The following PALM2AKAP2 variants were observed in gnomAD, a reference collection of about 807,000 sequenced individuals.
The protein encoded by PALM2AKAP2 is PALM2 and AKAP2 fusion, also known as PALM2-AKAP2 fusion protein.
PALM2AKAP2 carries 37 observed loss-of-function variants against 71.5 expected under a neutral mutation model. That is an observed-to-expected ratio of 0.52 (90% CI 0.40 to 0.68). PALM2AKAP2 has a LOEUF of 0.68. PALM2AKAP2 is among the 30% of genes least tolerant of loss of function. PALM2AKAP2 has a pLI of 0.00. For missense variants in PALM2AKAP2, 1,224 were observed against 1,191.8 expected (o/e 1.03, Z -0.40); for synonymous variants, 468 against 478.8 (o/e 0.98, Z 0.29).
chr9:109,791,870 A>G (rs1003899611), intron 1 of PALM2AKAP2, among the ~76,000 whole-genome samples: 2 of 152,206 alleles, frequency 1.3e-5, no homozygotes, highest in Non-Finnish European at 2.9e-5. Context: ...AATGCTCACA[A>G]CAGTTTAAAT....
intron 1 of PALM2AKAP2, among the ~76,000 whole-genome samples, chr9:109,858,890 A>G (rs1829239917): frequency 6.6e-6 from 1 of 152,220 alleles, no homozygotes; most frequent in South Asian, 2.1e-4. Context: ...AAGCAAAAGT[A>G]TAGCTCTATG....
upstream of PALM2AKAP2, among the ~76,000 whole-genome samples, chr9:110,044,350 T>C (rs1420720631): frequency 7.6e-6 from 1 of 130,848 alleles, no homozygotes; most frequent in Non-Finnish European, 1.6e-5. Flanking sequence ...CTTTCTTTTT[T>C]TTTTTTTTTT....
intron 1 of PALM2AKAP2, among the ~76,000 whole-genome samples, chr9:109,771,291 A>G (rs764552935): frequency 6.6e-6 from 1 of 152,190 alleles, no homozygotes; most frequent in African/African-American, 2.4e-5. Context: ...AACTCTGTGA[A>G]GTTAACAAGA....
chr9:109,881,636 C>T (rs894879240), intron 3 of PALM2AKAP2, among the ~76,000 whole-genome samples: 3 of 152,106 alleles, frequency 2.0e-5, no homozygotes, highest in Non-Finnish European at 2.9e-5. Context: ...GGGAGATAAG[C>T]GACCTGTCTG....
intron 1 of PALM2AKAP2, among the ~76,000 whole-genome samples, chr9:109,791,655 G>A (rs980642451): frequency 3.3e-5 from 5 of 152,174 alleles, no homozygotes; most frequent in African/African-American, 1.2e-4. Context: ...TATGTTAGGG[G>A]GGTGAGATCT....
intron 1 of PALM2AKAP2, among the ~76,000 whole-genome samples, chr9:109,716,500 ACTGCTGTTTAT>A (rs1192788608): frequency 6.6e-6 from 1 of 152,208 alleles, no homozygotes; most frequent in Non-Finnish European, 1.5e-5. Context: ...CTATACTTAT[ACTGCTGTTTAT>A]CTGAATTTCA....
At chr9:109,700,418 G>C (rs1828035944) in intron 1 of PALM2AKAP2, among the ~76,000 whole-genome samples, 1 of 152,178 alleles carries the variant, frequency 6.6e-6, no homozygotes, top group African/African-American at 2.4e-5. Flanking sequence ...GGCCTCCCCA[G>C]TCATGTGGAA....
chr9:109,983,649 G>C (rs755050913), intron 6 of PALM2AKAP2, among the ~76,000 whole-genome samples: 1 of 152,142 alleles, frequency 6.6e-6, no homozygotes, highest in Non-Finnish European at 1.5e-5. Flanking sequence ...TGGATCACTT[G>C]AGGCTAGGAG....
chr9:110,060,811 A>G (rs1385066907), intron 1 of PALM2AKAP2, among the ~76,000 whole-genome samples: 1 of 152,096 alleles, frequency 6.6e-6, no homozygotes, highest in Non-Finnish European at 1.5e-5. Context: ...CATGTTGGCC[A>G]GGATGGTCTC....
chr9:110,126,709 A>C (rs1835613794), intron 1 of PALM2AKAP2, among the ~76,000 whole-genome samples: 1 of 152,232 alleles, frequency 6.6e-6, no homozygotes, highest in Non-Finnish European at 1.5e-5. Context: ...CAGCTGCTGC[A>C]GAAAAGGCAA....
intron 3 of PALM2AKAP2, among the ~76,000 whole-genome samples, chr9:109,902,781 T>C (rs966117979): frequency 2.6e-5 from 4 of 152,202 alleles, no homozygotes; most frequent in African/African-American, 9.6e-5. Context: ...AATCCAAAGA[T>C]ACATATGACC....
At chr9:109,897,923 G>A (rs1004415125) in intron 3 of PALM2AKAP2, among the ~76,000 whole-genome samples, 1 of 152,256 alleles carries the variant, frequency 6.6e-6, no homozygotes, top group South Asian at 2.1e-4. Flanking sequence ...GTTGAACAAG[G>A]TGGAGAAGCC....
chr9:110,162,145 T>G lies in PALM2AKAP2; in HGVS notation c.2748+5648T>G, dbSNP rs192387932. 6 of 1,613,974 alleles carry G rather than the reference T, an allele frequency of 3.7e-6. No homozygotes were observed. In the East Asian group the frequency reaches 1.3e-4, roughly 36 times the overall value. ...GGTGACTTCCGAGGTACTTTTCAAT[T>G]TGTTTGTCTTGGTCTTACTGAATGC... is the stretch of plus-strand genomic sequence containing the variant. On this transcript the variant is annotated intron_variant, in intron 3 of 3. Transcript: ENST00000374525.
chr9:109,801,286 C>T (rs1313229145), intron 1 of PALM2AKAP2, among the ~76,000 whole-genome samples: 2 of 152,078 alleles, frequency 1.3e-5, no homozygotes, highest in East Asian at 1.9e-4. Flanking sequence ...GAAGGGAGAA[C>T]CTAGAACCCA....
At chr9:109,880,409 G>T in intron 2 of PALM2AKAP2, 142 bp from the exon 3 acceptor site, 1 of 1,225,986 alleles carries the variant, frequency 8.2e-7, no homozygotes. Flanking sequence ...GGGAAGTAGG[G>T]AGCCATGTTA....
At chr9:110,122,131 C>T (rs1469753424) in intron 1 of PALM2AKAP2, among the ~76,000 whole-genome samples, 2 of 152,172 alleles carry the variant, frequency 1.3e-5, no homozygotes, top group African/African-American at 4.8e-5. Flanking sequence ...CTCCCAGGCT[C>T]AAGTTCCTCC....
intron 6 of PALM2AKAP2, among the ~76,000 whole-genome samples, chr9:109,968,179 C>G (rs1348601207): frequency 6.6e-6 from 1 of 152,216 alleles, no homozygotes; most frequent in Non-Finnish European, 1.5e-5. Flanking sequence ...CTCTCTGGCA[C>G]TTCTCCCAGG....
At chr9:110,135,164 A>AAAAAAAATATATAT in intron 1 of PALM2AKAP2, among the ~76,000 whole-genome samples, 3 of 51,734 alleles carry the variant, frequency 5.8e-5, no homozygotes, top group African/African-American at 2.2e-4. Context: ...AAAAAAAAAA[A>AAAAAAAATATATAT]ATATATAAAT....
chr9:109,844,516 A>G (rs1284287567), intron 1 of PALM2AKAP2, among the ~76,000 whole-genome samples: 1 of 152,212 alleles, frequency 6.6e-6, no homozygotes, highest in East Asian at 1.9e-4. Flanking sequence ...CATCCTGGTT[A>G]TGTAAGATGT....
Sources: gnomAD v4.1 joint callset for allele counts (sites outside exome capture counted in the v4.1 genomes callset) on GRCh38, gnomAD v4.1.1 for gene constraint, MANE v1.5 for transcripts, NCBI Gene and HGNC (gene_info 2026-07-23, HGNC 2026-07-21) for gene names.